Variants in SATB1 observed in about 807,000 individuals in gnomAD.
The protein encoded by SATB1 is SATB homeobox 1, also known as DNA-binding protein SATB1.
Under a neutral mutation model 86.9 loss-of-function variants are expected in SATB1, and 11 were observed. That is an observed-to-expected ratio of 0.13 (90% CI 0.08 to 0.21). The LOEUF (loss-of-function observed/expected upper bound fraction) is 0.21. Among genes scored for constraint, SATB1 ranks in the 10% least tolerant of loss-of-function variants. SATB1 has a pLI of 1.00. For missense variants in SATB1, 551 were observed against 937.6 expected (o/e 0.59, Z 5.39); for synonymous variants, 357 against 357.2 (o/e 1.00, Z 0.01).
intron 3 of SATB1, 51 bp downstream of exon 3, chr3:18,416,851 T>G (rs913458316): frequency 1.2e-5 from 18 of 1,488,078 alleles, no homozygotes; most frequent in Non-Finnish European, 1.5e-5. Context: ...CTCTGCAAGG[T>G]AAACAAAGAA....
At chr3:18,364,730 TACAC>T (rs543631501) in intron 9 of SATB1, among the ~76,000 whole-genome samples, 1 of 151,484 alleles carries the variant, frequency 6.6e-6, no homozygotes, top group Non-Finnish European at 1.5e-5. Context: ...TATATATATA[TACAC>T]ACACACACAC....
At chr3:18,439,244 C>T (rs1313683555), upstream of SATB1, among the ~76,000 whole-genome samples, 1 of 152,136 alleles carries the variant, frequency 6.6e-6, no homozygotes, top group Non-Finnish European at 1.5e-5. Context: ...CTTGAAAGTC[C>T]ATTGAAAGAG....
intron 2 of SATB1, chr3:18,417,527 T>C: frequency 1.6e-6 from 1 of 611,370 alleles, no homozygotes; most frequent in South Asian, 2.0e-5. Context: ...TTTTCCTGGG[T>C]TTGTGTCCAA....
At chr3:18,399,029 T>C (rs936616051) in intron 5 of SATB1, among the ~76,000 whole-genome samples, 2 of 152,202 alleles carry the variant, frequency 1.3e-5, no homozygotes, top group African/African-American at 2.4e-5. Context: ...TGGATGACAG[T>C]TGATGTTCTT....
chr3:18,376,985 T>TATATAAA (rs1695790889), intron 9 of SATB1, among the ~76,000 whole-genome samples: 1 of 152,202 alleles, frequency 6.6e-6, no homozygotes, highest in African/African-American at 2.4e-5. Flanking sequence ...AGTCCACAGC[T>TATATAAA]TGAGTTTAAT....
At chr3:18,364,137 T>C (rs1171580831) in intron 9 of SATB1, among the ~76,000 whole-genome samples, 1 of 152,196 alleles carries the variant, frequency 6.6e-6, no homozygotes, top group African/African-American at 2.4e-5. Flanking sequence ...ATATATATTT[T>C]TTTCCTCTAC....
chr3:18,417,138 G>T (rs1359528678), intron 2 of SATB1, 60 bp from the exon 3 acceptor site: 15 of 1,539,152 alleles, frequency 9.7e-6, no homozygotes, highest in Non-Finnish European at 1.1e-5. Context: ...ATACAGCTTG[G>T]GGGTGGCGGG....
chr3:18,362,860 CAAAAAAA>C (rs35470564), intron 9 of SATB1, among the ~76,000 whole-genome samples: 1 of 32,294 alleles, frequency 3.1e-5, no homozygotes, highest in African/African-American at 1.0e-4. Flanking sequence ...ATGCCATGTG[CAAAAAAA>C]AAAAAAAAAA....
At chr3:18,366,408 A>G (rs756869722) in intron 9 of SATB1, among the ~76,000 whole-genome samples, 1 of 151,850 alleles carries the variant, frequency 6.6e-6, no homozygotes, top group Non-Finnish European at 1.5e-5. Flanking sequence ...ATGTGCTATT[A>G]AAGTTTTTAA....
chr3:18,348,896 C>CG lies in SATB1; in HGVS notation c.*273dup. Reference sequence around the variant, plus strand: ...ACAAAAAACACTGGTTTCATGCTTACGGGGTACACACTTTGGTGCATCCCG... The same window carrying CG: ...ACAAAAAACACTGGTTTCATGCTTACGGGGGTACACACTTTGGTGCATCCCG... On this transcript the variant is annotated 3_prime_UTR_variant, in exon 11 of 11. Coordinates refer to ENST00000338745, the MANE Select transcript of SATB1 (RefSeq NM_002971.6). The CG allele has an allele frequency of 2.3e-6, 1 of 439,134 alleles. No individual in the cohort carries two copies. Among genetic ancestry groups the CG allele is most frequent in the Non-Finnish European group, 4.0e-6 (1 of 248,506 alleles). The allele number at this position is 439,134 out of a possible 1,614,324, so 27.2% of individuals were successfully genotyped here. A position where few individuals can be genotyped will look rare whatever the true frequency, so the allele number is the denominator to read the frequency against.
At position 18,349,640 on chromosome 3, in the gene SATB1, C is replaced by CCCG; in HGVS notation, c.1821_1822insCGG (p.Gln607_Ala608insArg). 1 of 1,609,582 alleles carries CCCG rather than the reference C, an allele frequency of 6.2e-7. No individual in the cohort carries two copies. The highest frequency in any genetic ancestry group is 2.2e-5 in the East Asian group (1 of 44,814). ...TGCTGTGGCTGTGGAGGCGGCGGTG[C>CCCG]CTGCTGCTGCTGCTGCTGCTGTTGC... On this transcript the variant is annotated inframe_insertion, in exon 11 of 11. Transcript: ENST00000338745. This position sits in a 1 kb window ranked among gnomAD's most constrained non-coding sequence, Gnocchi z 5.5.
intron 9 of SATB1, among the ~76,000 whole-genome samples, chr3:18,356,282 A>T (rs1233161930): frequency 6.6e-6 from 1 of 151,942 alleles, no homozygotes; most frequent in Non-Finnish European, 1.5e-5. Context: ...CTTTATAGTA[A>T]CCAAGAACCA....
intron 9 of SATB1, among the ~76,000 whole-genome samples, chr3:18,360,398 G>C (rs565354184): frequency 2.0e-5 from 3 of 152,064 alleles, no homozygotes; most frequent in Non-Finnish European, 2.9e-5. Context: ...GGCTGTTTTC[G>C]AGGTTCCTCC....
At chr3:18,361,051 G>T (rs775021090) in intron 9 of SATB1, among the ~76,000 whole-genome samples, 1 of 151,942 alleles carries the variant, frequency 6.6e-6, no homozygotes, top group South Asian at 2.1e-4. Context: ...ATTAGCAGGG[G>T]GCTGGGAAAA....
chr3:18,351,900 G>C, intron 10 of SATB1, 92 bp downstream of exon 10: 3 of 1,221,954 alleles, frequency 2.5e-6, no homozygotes, highest in Non-Finnish European at 3.6e-6. Flanking sequence ...CCTATGGTTA[G>C]ACTGGCAGGA....
intron 5 of SATB1, among the ~76,000 whole-genome samples, chr3:18,413,960 T>C (rs1697992860): frequency 6.6e-6 from 1 of 152,086 alleles, no homozygotes; most frequent in African/African-American, 2.4e-5. Flanking sequence ...CAAGATTCCC[T>C]TCAAAGGTAC....
intron 2 of SATB1, among the ~76,000 whole-genome samples, chr3:18,431,336 T>C (rs1376950510): frequency 2.0e-5 from 3 of 152,186 alleles, no homozygotes; most frequent in South Asian, 2.1e-4. Context: ...GTTATTTCCT[T>C]CTCCATGCTC....
chr3:18,360,173 A>G (rs1238639688), intron 9 of SATB1, among the ~76,000 whole-genome samples: 1 of 152,156 alleles, frequency 6.6e-6, no homozygotes, highest in Admixed American at 6.5e-5. Context: ...TCTGATGTTT[A>G]ATTTCGCCCA....
At chr3:18,429,855 G>T (rs574131191), upstream of SATB1, among the ~76,000 whole-genome samples, 2 of 152,238 alleles carry the variant, frequency 1.3e-5, no homozygotes, top group South Asian at 4.1e-4. This position sits in a 1 kb window ranked among gnomAD's most constrained non-coding sequence, Gnocchi z 4.1. Context: ...AGCAGAGACT[G>T]GGTGTCTTGC....
Sources: gnomAD v4.1 joint callset for allele counts (sites outside exome capture counted in the v4.1 genomes callset) on GRCh38, gnomAD v4.1.1 for gene constraint, Gnocchi (gnomAD v3.1) non-coding constraint, MANE v1.5 for transcripts, NCBI Gene and HGNC (gene_info 2026-07-23, HGNC 2026-07-21) for gene names.